Variants in GATB observed in about 807,000 individuals in gnomAD.
GATB encodes the protein glutamyl-tRNA(Gln) amidotransferase subunit B, mitochondrial.
Under a neutral mutation model 62.3 loss-of-function variants are expected in GATB, and 39 were observed. The ratio of observed to expected loss-of-function variants is 0.63; its 90% CI spans 0.48 to 0.82. GATB has a LOEUF of 0.82. Among genes scored for constraint, GATB ranks in the 40% least tolerant of loss-of-function variants. The pLI, the probability that GATB is intolerant of heterozygous loss-of-function variation, is 0.00. For synonymous variants in GATB, 276 were observed against 258.9 expected (o/e 1.07, Z -0.63); for missense variants, 670 against 684.0 (o/e 0.98, Z 0.23).
Position 151,710,112 on chromosome 4 carries a change from G to A in GATB, c.764-2011C>T, listed in dbSNP as rs1032357597. 3.3e-5 allele frequency among the ~76,000 whole-genome samples: 5 copies of A among 152,208 alleles called. No homozygotes were observed. In the South Asian group the frequency reaches 1.0e-3, roughly 32 times the overall value. On this transcript the variant is annotated intron_variant, in intron 5 of 12. Transcript: ENST00000263985. ...CACTGGTGGGTCCCCTAAACTATCA[G>A]AATACTTATAATCTATACTACAGAA...
chr4:151,706,886 T>C (rs1365101239), intron 6 of GATB, among the ~76,000 whole-genome samples: 1 of 152,228 alleles, frequency 6.6e-6, no homozygotes, highest in African/African-American at 2.4e-5. Flanking sequence ...TCTTCCTCTC[T>C]AGATAGCTTC....
chr4:151,724,544 C>T (rs892724939), intron 2 of GATB: 1 of 152,266 alleles, frequency 6.6e-6, no homozygotes, highest in African/African-American at 2.4e-5. Flanking sequence ...ACCCCGACCA[C>T]CTCTCTAGCT....
chr4:151,672,462 C>A, intron 12 of GATB: 1 of 342,488 alleles, frequency 2.9e-6, no homozygotes. Flanking sequence ...GGGCGACACA[C>A]CTGGGAGGTC....
intron 9 of GATB, among the ~76,000 whole-genome samples, chr4:151,695,496 C>T (rs1322208317): frequency 6.6e-6 from 1 of 152,228 alleles, no homozygotes; most frequent in African/African-American, 2.4e-5. Context: ...AACTAGCATC[C>T]GGCACTGCAG....
At chr4:151,719,661 T>C in intron 2 of GATB, 123 bp from the exon 3 acceptor site, 3 of 572,528 alleles carry the variant, frequency 5.2e-6, no homozygotes, top group Non-Finnish European at 8.9e-6. Flanking sequence ...TCTGGTTCTC[T>C]GGGTGGGCAG....
chr4:151,676,388 A>T (rs17027798), intron 11 of GATB: 4 of 152,120 alleles, frequency 2.6e-5, no homozygotes, highest in African/African-American at 9.7e-5. Flanking sequence ...TTAACTGGAC[A>T]ATCCTCAGGG....
Position 151,760,801 on chromosome 4 carries a change from G to T in GATB, c.176+6C>A. 1.3e-6 allele frequency: 2 copies of T among 1,597,440 alleles called. No individual in the cohort carries two copies. Among genetic ancestry groups the T allele is most frequent in the Non-Finnish European group, 1.7e-6 (2 of 1,171,638 alleles). On this transcript the variant is annotated splice_donor_region_variant and intron_variant, in intron 1 of 12. Transcript: ENST00000263985. ...TAGGTGGGCAGAAATGTATGAAACA[G>T]AATACCCTTTCCTCGTCTTCTGGGC...
chr4:151,677,970 A>T (rs535603502), intron 11 of GATB: 1 of 152,080 alleles, frequency 6.6e-6, no homozygotes, highest in African/African-American at 2.4e-5. Flanking sequence ...TGTTCATCTG[A>T]TATTAAAGGT....
intron 1 of GATB, 150 bp downstream of exon 1, chr4:151,760,657 C>T (rs780713042): frequency 6.9e-6 from 4 of 578,706 alleles, no homozygotes; most frequent in South Asian, 3.7e-5. Context: ...TCTGTTTGTG[C>T]TTTTATTTAG....
At chr4:151,685,290 C>A (rs1738220912) in intron 10 of GATB, among the ~76,000 whole-genome samples, 8 of 152,204 alleles carry the variant, frequency 5.3e-5, no homozygotes, top group Admixed American at 3.3e-4. Flanking sequence ...GCATCCCATT[C>A]TGCCTTGAAT....
intron 10 of GATB, among the ~76,000 whole-genome samples, 175 bp from the exon 11 acceptor site, chr4:151,680,066 C>T (rs1738105103): frequency 6.6e-6 from 1 of 152,076 alleles, no homozygotes; most frequent in African/African-American, 2.4e-5. Flanking sequence ...TATTTTATAT[C>T]TTAGGATATA....
intron 8 of GATB, 63 bp from the exon 9 acceptor site, chr4:151,701,581 C>A: frequency 8.5e-7 from 1 of 1,171,174 alleles, no homozygotes; most frequent in Non-Finnish European, 1.1e-6. Flanking sequence ...AAAACAAAAC[C>A]TCCCCCAGTA....
At chr4:151,673,570 T>C (rs1160883445) in intron 11 of GATB, 1 of 151,828 alleles carries the variant, frequency 6.6e-6, no homozygotes, top group Non-Finnish European at 1.5e-5. Context: ...CTCCTACAGG[T>C]AGAGCCGGAC....
At chr4:151,760,206 A>G (rs1739922931) in intron 1 of GATB, among the ~76,000 whole-genome samples, 1 of 152,238 alleles carries the variant, frequency 6.6e-6, no homozygotes, top group Admixed American at 6.5e-5. Context: ...TAATTCTTAC[A>G]TAATGAAGCA....
At chr4:151,705,291 A>G (rs1738693558) in intron 6 of GATB, 22 bp from the exon 7 acceptor site, 1 of 1,487,780 alleles carries the variant, frequency 6.7e-7, no homozygotes, top group African/African-American at 1.4e-5. Flanking sequence ...ACACTAATTT[A>G]GCATCATATT....
At chr4:151,675,235 G>C (rs1358977320) in intron 11 of GATB, 1 of 152,198 alleles carries the variant, frequency 6.6e-6, no homozygotes, top group Admixed American at 6.5e-5. Flanking sequence ...GTACCAAGCA[G>C]TGCCGCTAGA....
chr4:151,743,671 G>C (rs762736766), intron 2 of GATB, among the ~76,000 whole-genome samples: 13 of 152,106 alleles, frequency 8.5e-5, no homozygotes, highest in Non-Finnish European at 1.6e-4. Context: ...TGTGACCATG[G>C]GTAAGTCCCA....
At chr4:151,731,428 C>T (rs1304725228) in intron 2 of GATB, among the ~76,000 whole-genome samples, 3 of 152,198 alleles carry the variant, frequency 2.0e-5, no homozygotes, top group African/African-American at 7.2e-5. Context: ...TCAATGTTGC[C>T]CAGGCTGGAG....
rs186481894 is a variant in GATB at position 151,672,397 on chromosome 4, G to A, written c.1545+365C>T. Among the ~76,000 whole-genome samples the A allele has an allele frequency of 5.8e-4, 88 of 152,270 alleles. 2 individuals are homozygous for A. Among genetic ancestry groups the A allele is most frequent in the Admixed American group, 3.6e-3 (55 of 15,300 alleles). On this transcript the variant is annotated intron_variant, in intron 12 of 12. Coordinates refer to ENST00000263985, the MANE Select transcript of GATB (RefSeq NM_004564.3). ...CACACCTGCTGGTTCTTTACTGGGA[G>A]GTCCTTAGGAAGTAGCGCTAACCAC... is the stretch of plus-strand genomic sequence containing the variant.
Sources: allele counts gnomAD v4.1 joint callset (sites outside exome capture counted in the v4.1 genomes callset), GRCh38; gene constraint gnomAD v4.1.1; transcripts MANE v1.5; gene names NCBI Gene and HGNC (gene_info 2026-07-23, HGNC 2026-07-21).